The following CDH10 variants were observed in gnomAD, a reference collection of about 807,000 sequenced individuals.
CDH10 encodes the protein cadherin-10.
In CDH10, 30 loss-of-function variants were observed where a neutral mutation model predicts 73.1. That is an observed-to-expected ratio of 0.41 (90% CI 0.31 to 0.56). The LOEUF (loss-of-function observed/expected upper bound fraction) is 0.56. Ranked by LOEUF, CDH10 falls within the 20% of genes least tolerant of loss-of-function variation. CDH10 has a pLI of 0.27. For missense variants in CDH10, 815 were observed against 973.7 expected, an observed-to-expected ratio of 0.84 and a Z score of 2.17; for synonymous variants, 345 against 348.2, an observed-to-expected ratio of 0.99 and a Z score of 0.10.
intron 2 of CDH10, among the ~76,000 whole-genome samples, chr5:24,538,363 A>G (rs1416689638): frequency 6.6e-6 from 1 of 152,120 alleles, no homozygotes; most frequent in African/African-American, 2.4e-5. Flanking sequence ...CTACCTTTTT[A>G]AAAACCTACA....
At chr5:24,606,365 C>T (rs1302434222) in intron 1 of CDH10, among the ~76,000 whole-genome samples, 1 of 152,114 alleles carries the variant, frequency 6.6e-6, no homozygotes, top group Non-Finnish European at 1.5e-5. Context: ...AATCCCAGCA[C>T]TTTGGGAGGT....
At chr5:24,586,434 C>CTTTTTTTTTTTTTTTTTT (rs35486231) in intron 2 of CDH10, among the ~76,000 whole-genome samples, 1 of 100,426 alleles carries the variant, frequency 1.0e-5, no homozygotes, top group Non-Finnish European at 1.9e-5. Context: ...TTATTAACTC[C>CTTTTTTTTTTTTTTTTTT]TTTTTTTTTT....
intron 9 of CDH10, among the ~76,000 whole-genome samples, 188 bp downstream of exon 9, chr5:24,498,210 T>G (rs575266098): frequency 6.6e-6 from 1 of 152,342 alleles, no homozygotes; most frequent in East Asian, 1.9e-4. Context: ...AAAGGAAATA[T>G]GAAACTGGTA....
chr5:24,537,594 A>C lies in CDH10; in HGVS notation c.312T>G (p.Ile104Met). 6.2e-7 allele frequency: 1 copy of C among 1,608,336 alleles called. No individual in the cohort carries two copies. Among genetic ancestry groups the C allele is most frequent in the Non-Finnish European group, 8.5e-7 (1 of 1,175,102 alleles). The change falls in exon 3 of 12, where the codon ATT becomes ATG. Residue 104 changes from isoleucine to methionine, a missense_variant. Physicochemically the swap from Ile to Met is conservative, Grantham distance 10 (BLOSUM62 1). This residue lies in a region of CDH10 where 516 missense variants were observed against 636.6 expected (regional missense o/e 0.81). Transcript: ENST00000264463. ...CATGAATATCACCTGTTTTTTCATCAATAATAAAAAGAGTACCAGCTCCAT... is the reference window on the plus strand; with the variant it reads ...CATGAATATCACCTGTTTTTTCATCCATAATAAAAAGAGTACCAGCTCCAT... ...SGDGAGTLFIIDEKTGDIHAT... is the reference protein window; with the variant it reads ...SGDGAGTLFIMDEKTGDIHAT...
chr5:24,575,985 G>A (rs138668687), intron 2 of CDH10, among the ~76,000 whole-genome samples: 1 of 152,018 alleles, frequency 6.6e-6, no homozygotes, highest in Admixed American at 6.5e-5. Context: ...GTTACCTATT[G>A]TCTGAAATAT....
chr5:24,577,140 G>A (rs191626044), intron 2 of CDH10, among the ~76,000 whole-genome samples: 2 of 151,746 alleles, frequency 1.3e-5, no homozygotes, highest in African/African-American at 4.8e-5. Context: ...ATACATGATG[G>A]CTAAATGCAC....
chr5:24,565,573 GT>G (rs1312985607), intron 2 of CDH10, among the ~76,000 whole-genome samples: 1 of 152,142 alleles, frequency 6.6e-6, no homozygotes, highest in Non-Finnish European at 1.5e-5. Flanking sequence ...TGGACTAGAT[GT>G]TTTTGACCCC....
chr5:24,531,155 T>A (rs1743729640), intron 5 of CDH10, among the ~76,000 whole-genome samples: 2 of 152,066 alleles, frequency 1.3e-5, no homozygotes, highest in Non-Finnish European at 2.9e-5. Context: ...TATATTGCAG[T>A]GTTCAGGTGA....
chr5:24,629,890 T>C (rs1011352692), intron 1 of CDH10, among the ~76,000 whole-genome samples: 4 of 152,116 alleles, frequency 2.6e-5, no homozygotes, highest in African/African-American at 4.8e-5. Flanking sequence ...TGGACTAATA[T>C]AGAATATTTT....
At chr5:24,635,811 T>A (rs894269889) in intron 1 of CDH10, among the ~76,000 whole-genome samples, 7 of 151,922 alleles carry the variant, frequency 4.6e-5, no homozygotes, top group Non-Finnish European at 7.4e-5. Flanking sequence ...CCAATTATAA[T>A]AATAGATAAG....
chr5:24,557,222 A>T (rs886590041), intron 2 of CDH10, among the ~76,000 whole-genome samples: 1 of 151,662 alleles, frequency 6.6e-6, no homozygotes, highest in Non-Finnish European at 1.5e-5. Context: ...ACTATAATTT[A>T]GATTATTTCT....
intron 5 of CDH10, among the ~76,000 whole-genome samples, chr5:24,530,545 A>G (rs917146274): frequency 1.3e-5 from 2 of 152,102 alleles, no homozygotes; most frequent in Admixed American, 1.3e-4. Context: ...GATTTAAAGT[A>G]TGGAAGTATA....
chr5:24,554,339 A>G (rs1744681608), intron 2 of CDH10, among the ~76,000 whole-genome samples: 1 of 152,046 alleles, frequency 6.6e-6, no homozygotes, highest in African/African-American at 2.4e-5. Context: ...GTAATTTATT[A>G]TTATTTTATG....
intron 2 of CDH10, among the ~76,000 whole-genome samples, chr5:24,579,344 T>A (rs1225375947): frequency 1.7e-5 from 1 of 59,470 alleles, no homozygotes; most frequent in South Asian, 7.6e-4. Context: ...AAAACAAAAA[T>A]ATATATATAT....
chr5:24,529,752 C>T (rs1743661851), intron 5 of CDH10, among the ~76,000 whole-genome samples: 1 of 151,838 alleles, frequency 6.6e-6, no homozygotes, highest in Admixed American at 6.6e-5. Context: ...GATTTTTTCT[C>T]CCTCATAAAG....
chr5:24,510,027 C>G (rs17457821), intron 6 of CDH10, among the ~76,000 whole-genome samples: 1 of 152,066 alleles, frequency 6.6e-6, no homozygotes, highest in Non-Finnish European at 1.5e-5. Flanking sequence ...AGTAAAACTT[C>G]GGAACATAGG....
At chr5:24,561,058 G>A (rs1232098283) in intron 2 of CDH10, among the ~76,000 whole-genome samples, 1 of 152,064 alleles carries the variant, frequency 6.6e-6, no homozygotes, top group Non-Finnish European at 1.5e-5. Flanking sequence ...GAGTAGATTA[G>A]AAATTCAGTA....
intron 1 of CDH10, among the ~76,000 whole-genome samples, chr5:24,617,977 T>A (rs1196312913): frequency 6.6e-6 from 1 of 152,194 alleles, no homozygotes; most frequent in African/African-American, 2.4e-5. Flanking sequence ...GTGTCAAAAA[T>A]GTTATGTGAT....
intron 2 of CDH10, among the ~76,000 whole-genome samples, chr5:24,558,702 CAGAG>C (rs10605463): frequency 6.6e-6 from 1 of 151,060 alleles, no homozygotes; most frequent in African/African-American, 2.4e-5. Context: ...GAAAACGAAA[CAGAG>C]AAACATTTTT....
Sources: gnomAD v4.1 joint callset for allele counts (sites outside exome capture counted in the v4.1 genomes callset) on GRCh38, gnomAD v4.1.1 for gene constraint, gnomAD v4.1.1 regional missense constraint, MANE v1.5 for transcripts, NCBI Gene and HGNC (gene_info 2026-07-23, HGNC 2026-07-21) for gene names.